The following BICC1 variants were observed in gnomAD, a reference collection of about 807,000 sequenced individuals.
The protein encoded by BICC1 is protein bicaudal C homolog 1.
In BICC1, 43 loss-of-function variants were observed where a neutral mutation model predicts 111.0. The ratio of observed to expected loss-of-function variants is 0.39; its 90% confidence interval spans 0.30 to 0.50. BICC1 has a LOEUF of 0.50. Ranked by LOEUF, BICC1 falls within the 20% of genes least tolerant of loss-of-function variation. The pLI is 0.88. For synonymous variants in BICC1, 467 were observed against 434.4 expected, an observed-to-expected ratio of 1.07 and a Z score of -0.93; for missense variants, 1,091 against 1,203.2, an observed-to-expected ratio of 0.91 and a Z score of 1.38.
chr10:58,708,128 G>A (rs1230777439), intron 3 of BICC1, among the ~76,000 whole-genome samples: 71 of 148,392 alleles, frequency 4.8e-4, no homozygotes, highest in African/African-American at 1.8e-3. Context: ...ACAGGTGTGA[G>A]CCACCGCGCC....
In BICC1 at chr10:58,584,152, G is replaced by T. The variant is rs184105298; in HGVS notation, c.191-36703G>T. On this transcript the variant is annotated intron_variant, in intron 1 of 20. Transcript: ENST00000373886. ...GCTATGTTGACATTCCCATTTCTGTGAGGTAGAATGTAGCATATTTCTTAA... is the reference window on the plus strand; with the variant it reads ...GCTATGTTGACATTCCCATTTCTGTTAGGTAGAATGTAGCATATTTCTTAA... Among the ~76,000 whole-genome samples, 41 of 152,104 alleles carry T rather than the reference G, an allele frequency of 2.7e-4. No individual in the cohort carries two copies. The East Asian group carries it at 6.4e-3, about 24-fold the overall frequency.
At chr10:58,703,164 C>CT (rs3076275) in intron 3 of BICC1, among the ~76,000 whole-genome samples, 7,438 of 130,354 alleles carry the variant, frequency 0.057, 602 homozygotes, top group African/African-American at 0.14. Context: ...TATCTTGCTA[C>CT]TTTTTTTTTT....
chr10:58,820,291 G>A (rs1327895418), intron 19 of BICC1, 78 bp from the exon 20 acceptor site: 2 of 936,438 alleles, frequency 2.1e-6, no homozygotes, highest in Non-Finnish European at 3.4e-6. Context: ...AAATAAGTGT[G>A]ACAACAAGTT....
intron 3 of BICC1, among the ~76,000 whole-genome samples, chr10:58,752,877 A>T (rs1468573836): frequency 1.3e-5 from 2 of 152,144 alleles, no homozygotes; most frequent in Non-Finnish European, 2.9e-5. Flanking sequence ...TCAGCAGTGC[A>T]GGCTGGTTCC....
intron 2 of BICC1, among the ~76,000 whole-genome samples, chr10:58,681,586 C>T (rs538149202): frequency 6.6e-6 from 1 of 152,294 alleles, no homozygotes; most frequent in South Asian, 2.1e-4. Flanking sequence ...TTGTGGAAGA[C>T]ACTGTGGGGA....
At position 58,576,896 on chromosome 10, in the gene BICC1, A is replaced by G. The variant is rs143140371; in HGVS notation, c.191-43959A>G. Among the ~76,000 whole-genome samples the G allele has an allele frequency of 4.9e-3, 752 of 152,146 alleles. 4 individuals carry two copies. Among genetic ancestry groups the G allele is most frequent in the Non-Finnish European group, 8.2e-3 (557 of 67,978 alleles). On this transcript the variant is annotated intron_variant, in intron 1 of 20. Coordinates refer to ENST00000373886, the MANE Select transcript of BICC1 (RefSeq NM_001080512.3). Reference sequence around the variant, plus strand: ...TAAGGGAAAGGATGAGTGATTGCTTATTTTTTTCTTTATGGGATTCTTACA... The same window carrying G: ...TAAGGGAAAGGATGAGTGATTGCTTGTTTTTTTCTTTATGGGATTCTTACA...
At chr10:58,767,942 G>A (rs1249999174) in intron 3 of BICC1, among the ~76,000 whole-genome samples, 1 of 151,890 alleles carries the variant, frequency 6.6e-6, no homozygotes, top group Non-Finnish European at 1.5e-5. Context: ...AAAGCTTATG[G>A]GATTTATGCG....
In BICC1 at chr10:58,676,438, G is replaced by A. The variant is rs1035156596; in HGVS notation, c.238-25636G>A. Among the ~76,000 whole-genome samples, 3 of 152,262 alleles carry A rather than the reference G, an allele frequency of 2.0e-5. No homozygotes were observed. In the Middle Eastern group the frequency reaches 0.01, roughly 518 times the overall value. ...ATCTGGGATGCTCGAGCTTGGTAGG[G>A]GGAAGGGCATCCGCCATTACTGAGG... On this transcript the variant is annotated intron_variant, in intron 2 of 20. Transcript: ENST00000373886.
In BICC1 at chr10:58,702,148, A is replaced by G. The variant is rs575361452; in HGVS notation, c.307+5A>G. The stretch of plus-strand genomic sequence containing the variant: ...TCGGAGCCAAATCCAAGAAAGGTAA[A>G]TTGTGAGAGGGCAAGAAATAGGTGG... On this transcript the variant is annotated splice_donor_5th_base_variant and intron_variant, in intron 3 of 20. Coordinates refer to ENST00000373886, the MANE Select transcript of BICC1 (RefSeq NM_001080512.3). The G allele has an allele frequency of 1.2e-6, 2 of 1,609,904 alleles. No homozygotes were observed. Among genetic ancestry groups the G allele is most frequent in the African/African-American group, 1.3e-5 (1 of 74,940 alleles).
intron 2 of BICC1, among the ~76,000 whole-genome samples, chr10:58,687,342 G>C (rs1004635257): frequency 2.0e-5 from 3 of 152,242 alleles, no homozygotes; most frequent in East Asian, 1.9e-4. Context: ...GAGGCAGTCT[G>C]TCTGTTCTCA....
chr10:58,777,499 A>G (rs1295456442), intron 3 of BICC1, among the ~76,000 whole-genome samples: 4 of 152,114 alleles, frequency 2.6e-5, no homozygotes, highest in African/African-American at 9.7e-5. Flanking sequence ...AACCATTCAC[A>G]GGCTCCACCT....
chr10:58,739,301 T>A (rs11006244), intron 3 of BICC1, among the ~76,000 whole-genome samples: 5,696 of 152,192 alleles, frequency 0.037, 392 homozygotes, highest in African/African-American at 0.13. Context: ...AGGGCTGTTG[T>A]ATTTTGTCAA....
intron 2 of BICC1, among the ~76,000 whole-genome samples, chr10:58,687,667 G>A (rs1319689720): frequency 2.6e-5 from 4 of 152,216 alleles, no homozygotes; most frequent in African/African-American, 9.6e-5. Context: ...GATCTTCCAA[G>A]CCTGGCACGG....
intron 1 of BICC1, among the ~76,000 whole-genome samples, chr10:58,587,840 G>T (rs1589121982): frequency 2.0e-5 from 3 of 152,280 alleles, no homozygotes; most frequent in Admixed American, 2.0e-4. Flanking sequence ...TAACCTAGGG[G>T]TGTGTTTAAG....
intron 3 of BICC1, among the ~76,000 whole-genome samples, chr10:58,777,529 C>G (rs949346300): frequency 6.6e-6 from 1 of 152,070 alleles, no homozygotes; most frequent in South Asian, 2.1e-4. Context: ...AATGGACCTC[C>G]CACCCTTTCC....
intron 3 of BICC1, among the ~76,000 whole-genome samples, chr10:58,708,797 T>G (rs1840482615): frequency 6.6e-6 from 1 of 152,178 alleles, no homozygotes; most frequent in South Asian, 2.1e-4. Context: ...AGCCCCCAGG[T>G]GGTCTTTTCC....
At chr10:58,716,358 A>G in intron 3 of BICC1, 3 of 1,296,222 alleles carry the variant, frequency 2.3e-6, no homozygotes, top group South Asian at 3.0e-5. Context: ...TGTGAAAACT[A>G]CAACATATTT....
At chr10:58,764,859 T>G (rs957220419) in intron 3 of BICC1, among the ~76,000 whole-genome samples, 2 of 152,088 alleles carry the variant, frequency 1.3e-5, no homozygotes, top group African/African-American at 4.8e-5. Flanking sequence ...ATCAACAGGT[T>G]ATATGAGAAA....
intron 3 of BICC1, among the ~76,000 whole-genome samples, chr10:58,747,546 A>G (rs1235000069): frequency 1.3e-5 from 2 of 152,116 alleles, no homozygotes; most frequent in African/African-American, 4.8e-5. Flanking sequence ...ATATATGTAT[A>G]TGATGTGGAA....
Sources: allele counts gnomAD v4.1 joint callset (sites outside exome capture counted in the v4.1 genomes callset), GRCh38; gene constraint gnomAD v4.1.1; transcripts MANE v1.5; gene names NCBI Gene and HGNC (gene_info 2026-07-23, HGNC 2026-07-21).